The following MMD2 variants were observed in gnomAD, a reference collection of about 807,000 sequenced individuals.
The protein encoded by MMD2 is monocyte to macrophage differentiation factor 2.
A neutral mutation model predicts 33.5 loss-of-function variants in MMD2; 30 were observed. The observed-to-expected ratio is 0.90, with a 90% CI of 0.67 to 1.22. The LOEUF is 1.22. MMD2 is among the 50% of genes most tolerant of loss of function. MMD2 has a pLI of 0.00. For missense variants in MMD2, 364 were observed against 325.4 expected (o/e 1.12, Z -0.91); for synonymous variants, 129 against 123.0 (o/e 1.05, Z -0.32).
At chr7:4,915,842 G>C (rs369998495) in intron 4 of MMD2, among the ~76,000 whole-genome samples, 163 bp downstream of exon 4, 2 of 151,944 alleles carry the variant, frequency 1.3e-5, no homozygotes, top group East Asian at 3.9e-4. Context: ...CAGGAAAGTG[G>C]GTATAAGTAG....
rs558151805 is a variant in MMD2 at position 4,907,584 on chromosome 7, T to C, written c.553A>G (p.Ile185Val). 2 of 1,612,386 alleles carry C rather than the reference T, an allele frequency of 1.2e-6. No individual in the cohort carries two copies. Among genetic ancestry groups the C allele is most frequent in the Non-Finnish European group, 8.5e-7 (1 of 1,179,792 alleles). ...VILSMPNTEG[I>V]WELVTGGVFY... ...ACCCCTCCGGTCACCAGCTCCCAGA[T>C]GCCCTCGGTGTTGGGCTGTCGGCAA... is the stretch of plus-strand genomic sequence containing the variant. The change falls in exon 7 of 7, where the codon ATC becomes GTC. Residue 185 changes from isoleucine (I) to valine (V), a missense_variant. Coordinates refer to ENST00000401401, the MANE Select transcript of MMD2 (RefSeq NM_198403.4).
chr7:4,900,295 T>G, the MMD2 span, among the ~76,000 whole-genome samples: 6,652 of 152,194 alleles, frequency 0.044, 224 homozygotes, highest in Middle Eastern at 0.082. Flanking sequence ...TAATTTCATC[T>G]TGTGAGGTTT....
At chr7:4,927,960 G>A (rs1562484925) in intron 1 of MMD2, among the ~76,000 whole-genome samples, 1 of 152,228 alleles carries the variant, frequency 6.6e-6, no homozygotes, top group South Asian at 2.1e-4. Context: ...CTGTGCTCGG[G>A]GACTTAGTCA....
chr7:4,903,197 C>T (rs1784817555), downstream of MMD2, among the ~76,000 whole-genome samples: 1 of 152,122 alleles, frequency 6.6e-6, no homozygotes, highest in Non-Finnish European at 1.5e-5. Context: ...GAGATTGCGC[C>T]ACTGCACTCC....
intron 1 of MMD2, among the ~76,000 whole-genome samples, chr7:4,950,916 T>G (rs1786225247): frequency 6.6e-6 from 1 of 152,046 alleles, no homozygotes. Flanking sequence ...TTTCACCATC[T>G]TGGCCAGGCT....
intron 1 of MMD2, among the ~76,000 whole-genome samples, chr7:4,927,009 G>T (rs565847054): frequency 6.6e-6 from 1 of 151,872 alleles, no homozygotes; most frequent in Non-Finnish European, 1.5e-5. Flanking sequence ...CTCCCAAAGT[G>T]CTGGATTTAC....
intron 1 of MMD2, among the ~76,000 whole-genome samples, chr7:4,926,119 A>C (rs1379865837): frequency 7.0e-6 from 1 of 141,884 alleles, no homozygotes; most frequent in Non-Finnish European, 1.5e-5. Flanking sequence ...TTTTTCTTAC[A>C]CGGGGTCTCA....
Position 4,959,184 on chromosome 7 carries a change from G to T in MMD2, c.-167C>A, listed in dbSNP as rs555378993. The T allele has an allele frequency of 3.3e-4, 102 of 312,078 alleles. No individual in the cohort carries two copies. In the South Asian group the frequency reaches 0.011, roughly 35 times the overall value. 19.3% of individuals were successfully genotyped at this position (312,078 alleles called of 1,614,324 possible). On this transcript the variant is annotated 5_prime_UTR_variant, in exon 1 of 7. Coordinates refer to ENST00000401401, the MANE Select transcript of MMD2 (RefSeq NM_198403.4). The stretch of plus-strand genomic sequence containing the variant: ...CGGAGCCCGAGCCGGAGCTGGAGGC[G>T]CCCGGAGCCGCCGACGCCAAATCCC...
intron 1 of MMD2, among the ~76,000 whole-genome samples, chr7:4,951,096 T>C (rs1277163393): frequency 6.6e-6 from 1 of 151,972 alleles, no homozygotes; most frequent in Non-Finnish European, 1.5e-5. Flanking sequence ...CACAGGCAAC[T>C]CCCACAGTCC....
chr7:4,915,917 A>T, intron 4 of MMD2, 88 bp downstream of exon 4: 1 of 1,383,224 alleles, frequency 7.2e-7, no homozygotes, highest in Non-Finnish European at 1.0e-6. Flanking sequence ...TGCCAAGTCA[A>T]CACATTACCC....
intron 1 of MMD2, among the ~76,000 whole-genome samples, chr7:4,945,874 C>T (rs1441043073): frequency 6.6e-6 from 1 of 152,236 alleles, no homozygotes; most frequent in Non-Finnish European, 1.5e-5. Context: ...CGCACCCGGC[C>T]TCTTTCCTTC....
chr7:4,921,789 C>G (rs1785292692), intron 2 of MMD2, among the ~76,000 whole-genome samples: 1 of 152,116 alleles, frequency 6.6e-6, no homozygotes, highest in African/African-American at 2.4e-5. Context: ...CGGATGGGGA[C>G]AGGTCAACAG....
chr7:4,958,320 G>A (rs1043935635), intron 1 of MMD2, among the ~76,000 whole-genome samples: 1 of 152,118 alleles, frequency 6.6e-6, no homozygotes, highest in African/African-American at 2.4e-5. Flanking sequence ...TTCTTCACTG[G>A]AATTCCAAGC....
rs186178863 is a variant in MMD2 at position 4,911,170 on chromosome 7, T to C, written c.442A>G (p.Ile148Val). The change falls in exon 5 of 7, where the codon ATC becomes GTC. Residue 148 changes from isoleucine to valine, a missense_variant. Physicochemically the swap from Ile to Val is conservative, Grantham distance 29. Coordinates refer to ENST00000401401, the MANE Select transcript of MMD2 (RefSeq NM_198403.4). ...LVWIMASVGT[I>V]YVFFFHERYK... is the part of the protein sequence containing the mutation. ...CGCTCATGGAAGAAGAAGACATAGA[T>C]GGTGCCCACGGAAGCCATAATCCAG... 42 of 1,593,088 alleles carry C rather than the reference T, an allele frequency of 2.6e-5. No homozygotes were observed. Among genetic ancestry groups the C allele is most frequent in the Non-Finnish European group, 3.5e-5 (41 of 1,170,764 alleles).
chr7:4,932,664 C>A (rs1448831008), intron 1 of MMD2, among the ~76,000 whole-genome samples: 1 of 150,730 alleles, frequency 6.6e-6, no homozygotes, highest in Non-Finnish European at 1.5e-5. Flanking sequence ...GCTCTGTCGC[C>A]CAGACTGAAG....
At chr7:4,900,568 T>A in the MMD2 span, among the ~76,000 whole-genome samples, 1 of 152,072 alleles carries the variant, frequency 6.6e-6, no homozygotes, top group Non-Finnish European at 1.5e-5. Context: ...AATATGTAAG[T>A]CCGTCTCCAG....
intron 1 of MMD2, among the ~76,000 whole-genome samples, chr7:4,949,669 A>G (rs2115157906): frequency 6.6e-6 from 1 of 151,454 alleles, no homozygotes; most frequent in East Asian, 2.0e-4. Flanking sequence ...CCGCCACCAC[A>G]CCTGGCTAAT....
chr7:4,897,227 T>TAA, the MMD2 span, among the ~76,000 whole-genome samples: 117 of 117,148 alleles, frequency 1.0e-3, no homozygotes, highest in East Asian at 9.2e-3. Context: ...GTGTTATATT[T>TAA]AAAAAAAAAA....
At chr7:4,924,589 C>T (rs1000022450) in intron 2 of MMD2, among the ~76,000 whole-genome samples, 11 of 152,136 alleles carry the variant, frequency 7.2e-5, no homozygotes, top group African/African-American at 2.2e-4. Flanking sequence ...GGTGATGGGC[C>T]GTGAAGGCTA....
Sources: gnomAD v4.1 joint callset for allele counts (sites outside exome capture counted in the v4.1 genomes callset) on GRCh38, gnomAD v4.1.1 for gene constraint, MANE v1.5 for transcripts, NCBI Gene and HGNC (gene_info 2026-07-23, HGNC 2026-07-21) for gene names.